PLXDC2: variants seen among roughly 807,000 people sequenced by gnomAD.
PLXDC2 encodes the protein plexin domain containing 2.
Under a neutral mutation model 68.9 loss-of-function variants are expected in PLXDC2, and 40 were observed. The ratio of observed to expected loss-of-function variants is 0.58; its 90% CI spans 0.45 to 0.76. The LOEUF is 0.76. Ranked by LOEUF, PLXDC2 falls within the 30% of genes least tolerant of loss-of-function variation. The pLI is 0.00. For synonymous variants in PLXDC2, 243 were observed against 234.2 expected, an observed-to-expected ratio of 1.04 and a Z score of -0.34; for missense variants, 644 against 661.9, an observed-to-expected ratio of 0.97 and a Z score of 0.30.
chr10:20,011,219 G>T (rs1030574149), intron 2 of PLXDC2, among the ~76,000 whole-genome samples: 15 of 152,222 alleles, frequency 9.9e-5, no homozygotes, highest in African/African-American at 3.6e-4. Context: ...TTGAGTATGG[G>T]CTGGAACTCA....
intron 1 of PLXDC2, among the ~76,000 whole-genome samples, chr10:19,951,409 T>G: frequency 6.6e-6 from 1 of 152,092 alleles, no homozygotes; most frequent in East Asian, 1.9e-4. Flanking sequence ...AAAAAAATGC[T>G]CATTATCACT....
intron 12 of PLXDC2, among the ~76,000 whole-genome samples, chr10:20,230,042 A>G (rs146935640): frequency 2.6e-5 from 4 of 152,318 alleles, no homozygotes; most frequent in Non-Finnish European, 5.9e-5. Flanking sequence ...GGACCATATA[A>G]CAGATGAACA....
At chr10:20,158,669 A>ATAAC (rs1470091477) in intron 6 of PLXDC2, among the ~76,000 whole-genome samples, 2 of 135,968 alleles carry the variant, frequency 1.5e-5, no homozygotes, top group Non-Finnish European at 3.3e-5. Flanking sequence ...TCTCAAATAA[A>ATAAC]TAAGTAAATA....
At chr10:20,075,329 C>T (rs1589616968) in intron 4 of PLXDC2, among the ~76,000 whole-genome samples, 2 of 152,266 alleles carry the variant, frequency 1.3e-5, no homozygotes, top group South Asian at 2.1e-4. Context: ...GCTGGGACTA[C>T]AGGCATGCAC....
At chr10:19,948,614 T>C (rs897951907) in intron 1 of PLXDC2, among the ~76,000 whole-genome samples, 4 of 152,028 alleles carry the variant, frequency 2.6e-5, no homozygotes. Context: ...CGTTTAATGC[T>C]CTGAGCTCTG....
rs746757631 is a variant in PLXDC2 at position 20,001,828 on chromosome 10, G to A, written c.166G>A (p.Val56Ile). Residue 56 changes from valine to isoleucine, a missense_variant, in exon 2 of 14, where the codon GTT becomes ATT. Around this residue, in one of 3 missense-constraint regions of PLXDC2, gnomAD observed 201 missense variants for 166.9 expected, o/e 1.20. Coordinates refer to ENST00000377252, the MANE Select transcript of PLXDC2 (RefSeq NM_032812.9). ...CCCTCACACAGAGGAGGAGGTGGAA[G>A]TTGATTCACACGCGTACAGCCACAG... is the stretch of plus-strand genomic sequence containing the variant. ...AFPHTEEEVEVDSHAYSHRWK... is the reference protein window; with the variant it reads ...AFPHTEEEVEIDSHAYSHRWK... 5.0e-6 allele frequency: 8 copies of A among 1,614,088 alleles called. No individual in the cohort carries two copies. The highest frequency in any genetic ancestry group is 6.8e-6 in the Non-Finnish European group (8 of 1,179,992).
intron 1 of PLXDC2, among the ~76,000 whole-genome samples, chr10:19,969,206 T>C (rs945379419): frequency 1.3e-5 from 2 of 152,238 alleles, no homozygotes; most frequent in Non-Finnish European, 2.9e-5. Flanking sequence ...TGTCTGTCTA[T>C]ACTGCTAGAA....
At chr10:20,081,171 A>G (rs1158981038) in intron 4 of PLXDC2, among the ~76,000 whole-genome samples, 1 of 152,196 alleles carries the variant, frequency 6.6e-6, no homozygotes, top group African/African-American at 2.4e-5. Context: ...CATTTCTCCC[A>G]CTGGAGCAAG....
At chr10:20,081,331 C>G (rs553771775) in intron 4 of PLXDC2, among the ~76,000 whole-genome samples, 2 of 152,028 alleles carry the variant, frequency 1.3e-5, no homozygotes, top group South Asian at 4.2e-4. Flanking sequence ...TAGAGACACC[C>G]TTAAGAGAGT....
In PLXDC2 at chr10:19,951,306, C is replaced by T. The variant is rs979286620; in HGVS notation, c.113-50469C>T. ...TAAACAATTCAACAAACAAAGCAAC[C>T]CCATTAAAAAGTAGGCAAAAGGCAT... On this transcript the variant is annotated intron_variant, in intron 1 of 13. Transcript: ENST00000377252. 7.2e-5 allele frequency among the ~76,000 whole-genome samples: 11 copies of T among 151,946 alleles called. No homozygotes were observed. In the South Asian group the frequency reaches 2.3e-3, roughly 32 times the overall value.
intron 1 of PLXDC2, among the ~76,000 whole-genome samples, chr10:19,921,463 G>A (rs1833460804): frequency 6.6e-6 from 1 of 152,072 alleles, no homozygotes; most frequent in South Asian, 2.1e-4. Context: ...ATTCACTTAG[G>A]GATTTGGCAA....
intron 13 of PLXDC2, among the ~76,000 whole-genome samples, chr10:20,259,083 C>T (rs1046053538): frequency 6.6e-6 from 1 of 151,734 alleles, no homozygotes; most frequent in African/African-American, 2.4e-5. Context: ...GAGGAAGCTA[C>T]AACCACTTAG....
intron 1 of PLXDC2, among the ~76,000 whole-genome samples, chr10:19,872,989 A>G (rs1837568881): frequency 6.6e-6 from 1 of 152,116 alleles, no homozygotes; most frequent in South Asian, 2.1e-4. Context: ...AAAACTCCTA[A>G]CAGAACAGTT....
At chr10:19,949,432 A>G (rs760586224) in intron 1 of PLXDC2, among the ~76,000 whole-genome samples, 1 of 152,160 alleles carries the variant, frequency 6.6e-6, no homozygotes, top group African/African-American at 2.4e-5. Context: ...ATCTTCTGAG[A>G]ATACATGAGG....
chr10:20,021,505 A>G (rs1835308763), intron 2 of PLXDC2, among the ~76,000 whole-genome samples: 1 of 151,862 alleles, frequency 6.6e-6, no homozygotes, highest in Admixed American at 6.6e-5. Context: ...TTGTTTTACA[A>G]TTCTTAGCCA....
intron 1 of PLXDC2, among the ~76,000 whole-genome samples, chr10:19,988,776 CTTTTTTTTTTTTTTTTTTTTTTT>C (rs552950916): frequency 0.026 from 1,201 of 45,560 alleles, 54 homozygotes; most frequent in African/African-American, 0.097. Context: ...AATAATGCCA[CTTTTTTTTTTTTTTTTTTTTTTT>C]TTTTTTTTTT....
chr10:20,036,251 A>G (rs911757579), intron 2 of PLXDC2, among the ~76,000 whole-genome samples: 3 of 152,180 alleles, frequency 2.0e-5, no homozygotes. Context: ...AAATGAGGCC[A>G]TAAGGGTGGG....
chr10:20,137,559 G>C (rs1833950004), intron 4 of PLXDC2, among the ~76,000 whole-genome samples: 1 of 152,206 alleles, frequency 6.6e-6, no homozygotes, highest in East Asian at 1.9e-4. Context: ...AGCATGATTT[G>C]AGGTGGCCAC....
chr10:19,883,803 C>T (rs981267498), intron 1 of PLXDC2, among the ~76,000 whole-genome samples: 3 of 150,642 alleles, frequency 2.0e-5, no homozygotes, highest in African/African-American at 7.4e-5. Context: ...TCCCCCACCT[C>T]CGTACTTGTT....
Sources: gnomAD v4.1 joint callset for allele counts (sites outside exome capture counted in the v4.1 genomes callset) on GRCh38, gnomAD v4.1.1 for gene constraint, gnomAD v4.1.1 regional missense constraint, MANE v1.5 for transcripts, NCBI Gene and HGNC (gene_info 2026-07-23, HGNC 2026-07-21) for gene names.